The following ERC2 variants were observed in gnomAD, a reference collection of about 807,000 sequenced individuals.
ERC2 encodes ELKS/RAB6-interacting/CAST family member 2.
A neutral mutation model predicts 114.8 loss-of-function variants in ERC2; 42 were observed. The observed-to-expected ratio is 0.37, with a 90% confidence interval of 0.29 to 0.47. ERC2 has a LOEUF of 0.47. Among genes scored for constraint, ERC2 ranks in the 20% least tolerant of loss-of-function variants. The probability of loss-of-function intolerance (pLI) is 0.99; values close to 1 mark genes in which losing one functional copy is unlikely to be tolerated. For synonymous variants in ERC2, 454 were observed against 425.5 expected, an observed-to-expected ratio of 1.07 and a Z score of -0.82; for missense variants, 939 against 1,150.7, an observed-to-expected ratio of 0.82 and a Z score of 2.66.
chr3:56,019,169 A>G (rs2073530743), intron 7 of ERC2, 138 bp from the exon 8 acceptor site: 1 of 672,734 alleles, frequency 1.5e-6, no homozygotes, highest in East Asian at 2.7e-5. Context: ...GACTTAGACA[A>G]AAGGCCATTT....
At chr3:56,309,682 T>TA (rs933124238) in intron 2 of ERC2, among the ~76,000 whole-genome samples, 1 of 152,216 alleles carries the variant, frequency 6.6e-6, no homozygotes, top group Non-Finnish European at 1.5e-5. Flanking sequence ...ATAATAATTG[T>TA]AACTCACTAC....
At chr3:56,165,368 G>C (rs1210928430) in intron 4 of ERC2, among the ~76,000 whole-genome samples, 1 of 151,780 alleles carries the variant, frequency 6.6e-6, no homozygotes, top group Admixed American at 6.6e-5. Context: ...TGTGCACAGT[G>C]TACACGTTAG....
At chr3:55,660,473 G>C (rs898353392) in intron 17 of ERC2, among the ~76,000 whole-genome samples, 22 of 152,164 alleles carry the variant, frequency 1.4e-4, no homozygotes, top group African/African-American at 5.1e-4. Flanking sequence ...GGGGGGTGGG[G>C]CGGGGGTGGC....
chr3:55,928,323 T>A (rs758401289), intron 13 of ERC2, among the ~76,000 whole-genome samples: 1 of 152,220 alleles, frequency 6.6e-6, no homozygotes, highest in Non-Finnish European at 1.5e-5. Flanking sequence ...TAAGATGATA[T>A]CTCCTTGTAG....
intron 3 of ERC2, among the ~76,000 whole-genome samples, chr3:56,269,802 A>C (rs2053543459): frequency 6.6e-6 from 1 of 152,206 alleles, no homozygotes; most frequent in Non-Finnish European, 1.5e-5. Flanking sequence ...GGAAAATTCA[A>C]ATAGTTGTAA....
At chr3:56,199,235 A>G (rs976510099) in intron 3 of ERC2, among the ~76,000 whole-genome samples, 12 of 152,246 alleles carry the variant, frequency 7.9e-5, no homozygotes, top group African/African-American at 2.6e-4. Context: ...TACTGAGAAT[A>G]CAAGATTAGA....
At chr3:55,741,151 T>C (rs1013226616) in intron 14 of ERC2, among the ~76,000 whole-genome samples, 23 of 152,174 alleles carry the variant, frequency 1.5e-4, no homozygotes, top group African/African-American at 5.3e-4. Flanking sequence ...TATAATTTTA[T>C]AAAAACGAAT....
intron 17 of ERC2, among the ~76,000 whole-genome samples, chr3:55,516,248 A>AC (rs1010427222): frequency 2.0e-5 from 3 of 152,052 alleles, no homozygotes; most frequent in African/African-American, 7.2e-5. Context: ...TCTGCTAAAA[A>AC]AAAAAAAACA....
At chr3:56,096,979 A>G in intron 6 of ERC2, among the ~76,000 whole-genome samples, 1 of 152,244 alleles carries the variant, frequency 6.6e-6, no homozygotes, top group East Asian at 1.9e-4. Context: ...AGAAAGGTTC[A>G]CTACTGAGGT....
chr3:55,647,913 T>G (rs750714614), intron 17 of ERC2, among the ~76,000 whole-genome samples: 1 of 152,150 alleles, frequency 6.6e-6, no homozygotes, highest in Non-Finnish European at 1.5e-5. Flanking sequence ...GAGTGTGCGT[T>G]GGCGGGTGGA....
chr3:56,203,883 T>C (rs549121856), intron 3 of ERC2, among the ~76,000 whole-genome samples: 7 of 152,210 alleles, frequency 4.6e-5, no homozygotes, highest in African/African-American at 1.2e-4. Flanking sequence ...TTACATTGCT[T>C]TAGGAAAAAA....
intron 13 of ERC2, among the ~76,000 whole-genome samples, chr3:55,941,492 A>T (rs1249763032): frequency 6.6e-6 from 1 of 152,172 alleles, no homozygotes; most frequent in African/African-American, 2.4e-5. Context: ...CCTTTGCTGC[A>T]ACTACATTAC....
At chr3:56,190,698 C>T (rs545228830) in intron 3 of ERC2, among the ~76,000 whole-genome samples, 1 of 152,234 alleles carries the variant, frequency 6.6e-6, no homozygotes, top group African/African-American at 2.4e-5. Context: ...CTCAGTGTCC[C>T]AAGAGGCTGG....
chr3:55,737,821 G>A (rs2065731906), intron 14 of ERC2, among the ~76,000 whole-genome samples: 1 of 152,162 alleles, frequency 6.6e-6, no homozygotes, highest in Admixed American at 6.6e-5. Flanking sequence ...CGTTTGTATA[G>A]TGACTAGCTT....
At chr3:55,570,619 G>A (rs966102874) in intron 17 of ERC2, among the ~76,000 whole-genome samples, 2 of 152,080 alleles carry the variant, frequency 1.3e-5, no homozygotes, top group Non-Finnish European at 2.9e-5. Flanking sequence ...TGGCATGCCC[G>A]GGGAAGAACA....
intron 12 of ERC2, among the ~76,000 whole-genome samples, chr3:55,964,713 T>C (rs9809616): frequency 1.3e-5 from 2 of 152,206 alleles, no homozygotes; most frequent in Non-Finnish European, 2.9e-5. Context: ...CTGTTCATGG[T>C]CTTACCAGGC....
chr3:56,376,271 C>G (rs941216592), intron 2 of ERC2, among the ~76,000 whole-genome samples: 2 of 152,198 alleles, frequency 1.3e-5, no homozygotes, highest in African/African-American at 4.8e-5. Flanking sequence ...CAGAAAATAT[C>G]TACCAAACTC....
At chr3:55,956,284 A>AT (rs2067947409) in intron 12 of ERC2, among the ~76,000 whole-genome samples, 1 of 152,216 alleles carries the variant, frequency 6.6e-6, no homozygotes, top group Non-Finnish European at 1.5e-5. Context: ...TAATGGAAGC[A>AT]TTGCAGGAAG....
chr3:56,078,607 T>C (rs1042713692), intron 7 of ERC2, among the ~76,000 whole-genome samples: 31 of 152,272 alleles, frequency 2.0e-4, no homozygotes, highest in African/African-American at 7.5e-4. Flanking sequence ...AGCTCGGTCC[T>C]TGAATCAAAT....
Sources: gnomAD v4.1 joint callset for allele counts (sites outside exome capture counted in the v4.1 genomes callset) on GRCh38, gnomAD v4.1.1 for gene constraint, MANE v1.5 for transcripts, NCBI Gene and HGNC (gene_info 2026-07-23, HGNC 2026-07-21) for gene names.